The following OTUD7A variants were observed in gnomAD, a reference collection of about 807,000 sequenced individuals.
The protein encoded by OTUD7A is OTU domain-containing protein 7A.
OTUD7A carries 12 observed loss-of-function variants against 65.7 expected under a neutral mutation model. The observed-to-expected ratio is 0.18, with a 90% CI of 0.12 to 0.30. The LOEUF is 0.30. Among genes scored for constraint, OTUD7A ranks in the 10% least tolerant of loss-of-function variants. The pLI, the probability that OTUD7A is intolerant of heterozygous loss-of-function variation, is 1.00. For missense variants in OTUD7A, 1,148 were observed against 1,304.8 expected (o/e 0.88, Z 1.85); for synonymous variants, 641 against 586.3 (o/e 1.09, Z -1.35).
At chr15:31,789,706 C>T (rs1895762698) in intron 1 of OTUD7A, among the ~76,000 whole-genome samples, 2 of 105,874 alleles carry the variant, frequency 1.9e-5, no homozygotes, top group African/African-American at 6.5e-5. Context: ...CAATGCTGCC[C>T]TTTTTTTTTT....
intron 1 of OTUD7A, among the ~76,000 whole-genome samples, chr15:31,773,147 C>T (rs2140915882): frequency 6.6e-6 from 1 of 152,256 alleles, no homozygotes; most frequent in South Asian, 2.1e-4. Flanking sequence ...ATTTAAATGA[C>T]AAAATGCAGG....
At position 31,476,681 on chromosome 15, in the gene OTUD7A, C is replaced by T. The variant is rs553128053; in HGVS notation, c.*6613G>A. 1 of 152,398 alleles carries T rather than the reference C, an allele frequency of 6.6e-6. No individual in the cohort carries two copies. The highest frequency in any genetic ancestry group is 1.9e-4 in the East Asian group (1 of 5,194). 9.4% of individuals were successfully genotyped at this position (152,398 alleles called of 1,614,324 possible). On this transcript the variant is annotated 3_prime_UTR_variant, in exon 13 of 13. Transcript: ENST00000307050. The stretch of plus-strand genomic sequence containing the variant: ...GCATCACGATGGAGACCTTATGCCC[C>T]CTCCCACGAGGGACCTGAAAATATG...
chr15:31,559,736 CAT>C (rs1888627825), intron 4 of OTUD7A, among the ~76,000 whole-genome samples: 2 of 152,180 alleles, frequency 1.3e-5, no homozygotes, highest in Non-Finnish European at 2.9e-5. Flanking sequence ...TACGTGTACA[CAT>C]ATAGATGTAT....
chr15:31,776,106 C>T (rs544950711), intron 1 of OTUD7A, among the ~76,000 whole-genome samples: 1 of 152,318 alleles, frequency 6.6e-6, no homozygotes, highest in South Asian at 2.1e-4. Context: ...CGTCATTGTG[C>T]AGGGAGAGGG....
intron 1 of OTUD7A, among the ~76,000 whole-genome samples, chr15:31,732,168 C>G (rs548403611): frequency 3.3e-5 from 5 of 152,320 alleles, no homozygotes; most frequent in African/African-American, 1.2e-4. Context: ...AACTATTTTT[C>G]TTTACTTAGT....
intron 1 of OTUD7A, among the ~76,000 whole-genome samples, chr15:31,805,725 C>G (rs1290892694): frequency 6.6e-6 from 1 of 152,172 alleles, no homozygotes; most frequent in African/African-American, 2.4e-5. Context: ...CAGGGAGCTG[C>G]CTGAGGTCCC....
At chr15:31,682,549 T>C (rs1459666592) in intron 1 of OTUD7A, among the ~76,000 whole-genome samples, 2 of 152,232 alleles carry the variant, frequency 1.3e-5, no homozygotes, top group African/African-American at 2.4e-5. Context: ...CGTTTACTAC[T>C]AAAACAAAAG....
At chr15:31,805,966 A>G (rs1171436777) in intron 1 of OTUD7A, among the ~76,000 whole-genome samples, 2 of 152,338 alleles carry the variant, frequency 1.3e-5, no homozygotes, top group East Asian at 1.9e-4. Context: ...TTTAAAACAC[A>G]TTTTAAGGGG....
chr15:31,730,413 G>C (rs2141360224), intron 1 of OTUD7A, among the ~76,000 whole-genome samples: 1 of 152,146 alleles, frequency 6.6e-6, no homozygotes, highest in Non-Finnish European at 1.5e-5. Context: ...TTCTCTAACT[G>C]CCTTGTTCTG....
intron 1 of OTUD7A, among the ~76,000 whole-genome samples, chr15:31,861,812 A>G (rs1897749045): frequency 6.6e-6 from 1 of 152,176 alleles, no homozygotes; most frequent in Admixed American, 6.5e-5. Flanking sequence ...GAGAGTTTTC[A>G]CTCAATCTAA....
chr15:31,740,147 A>G (rs1894300917), intron 1 of OTUD7A, among the ~76,000 whole-genome samples: 1 of 152,144 alleles, frequency 6.6e-6, no homozygotes, highest in Non-Finnish European at 1.5e-5. Flanking sequence ...TGAGAAGGTG[A>G]TTCTGGAACA....
intron 1 of OTUD7A, among the ~76,000 whole-genome samples, chr15:31,861,066 T>C (rs1897728879): frequency 6.6e-6 from 1 of 152,060 alleles, no homozygotes; most frequent in South Asian, 2.1e-4. Flanking sequence ...ACCTGTTCTC[T>C]CACAGCATTG....
In OTUD7A at chr15:31,487,114, G is replaced by C; in HGVS notation, c.1371+80C>G. The C allele has an allele frequency of 7.2e-7, 1 of 1,387,066 alleles. No homozygotes were observed. Among genetic ancestry groups the C allele is most frequent in the South Asian group, 1.2e-5 (1 of 81,554 alleles). 85.9% of individuals were successfully genotyped at this position (1,387,066 alleles called of 1,614,324 possible). On this transcript the variant is annotated intron_variant, in intron 12 of 12. Transcript: ENST00000307050. The surrounding 1 kb of genome is among the most constrained non-coding windows in gnomAD (Gnocchi z 6.0). ...GCAGGCAAGAGTGTGGGAGCATTTG[G>C]GAGGATGCACCCTGGTCAGACTGGA...
At chr15:31,574,513 G>A (rs140216517) in intron 3 of OTUD7A, among the ~76,000 whole-genome samples, 35 of 151,838 alleles carry the variant, frequency 2.3e-4, no homozygotes, top group African/African-American at 8.5e-4. Flanking sequence ...AGGTACACAA[G>A]ACAAAGACAA....
chr15:31,535,739 C>T (rs1166041424), intron 5 of OTUD7A, among the ~76,000 whole-genome samples: 10 of 147,812 alleles, frequency 6.8e-5, no homozygotes, highest in East Asian at 2.0e-4. Context: ...TGCAGTGGCG[C>T]GATCTTGGCT....
chr15:31,510,385 T>C (rs1234864306), intron 8 of OTUD7A, among the ~76,000 whole-genome samples: 1 of 151,424 alleles, frequency 6.6e-6, no homozygotes, highest in Non-Finnish European at 1.5e-5. Context: ...TTGCTTTTTT[T>C]TTTCCCCTTC....
At chr15:31,785,224 C>T (rs1286440767) in intron 1 of OTUD7A, among the ~76,000 whole-genome samples, 3 of 152,152 alleles carry the variant, frequency 2.0e-5, no homozygotes, top group African/African-American at 4.8e-5. Context: ...GCATCTAAAC[C>T]CTGTAACTAC....
intron 1 of OTUD7A, among the ~76,000 whole-genome samples, chr15:31,822,694 A>G (rs1005965874): frequency 6.6e-6 from 1 of 152,220 alleles, no homozygotes; most frequent in Non-Finnish European, 1.5e-5. Context: ...TTTCTTACAT[A>G]AGAGAGATCA....
chr15:31,856,342 G>A (rs565932544), intron 1 of OTUD7A, among the ~76,000 whole-genome samples: 1 of 152,274 alleles, frequency 6.6e-6, no homozygotes, highest in African/African-American at 2.4e-5. Context: ...GGAAGAAAAT[G>A]ACTCCCATTT....
Sources: gnomAD v4.1 joint callset for allele counts (sites outside exome capture counted in the v4.1 genomes callset) on GRCh38, gnomAD v4.1.1 for gene constraint, Gnocchi (gnomAD v3.1) non-coding constraint, MANE v1.5 for transcripts, NCBI Gene and HGNC (gene_info 2026-07-23, HGNC 2026-07-21) for gene names.